GRIK1: variants seen among roughly 807,000 people sequenced by gnomAD.
GRIK1 encodes the protein glutamate receptor ionotropic, kainate 1.
A neutral mutation model predicts 105.7 loss-of-function variants in GRIK1; 69 were observed. That is an observed-to-expected ratio of 0.65 (90% CI 0.54 to 0.80). The LOEUF (loss-of-function observed/expected upper bound fraction) is 0.80, where lower values mean the gene tolerates loss of function less well. Among genes scored for constraint, GRIK1 ranks in the 30% least tolerant of loss-of-function variants. The pLI, the probability that GRIK1 is intolerant of heterozygous loss-of-function variation, is 0.00. For missense variants in GRIK1, 1,109 were observed against 1,167.3 expected, an observed-to-expected ratio of 0.95 and a Z score of 0.73; for synonymous variants, 438 against 431.3, an observed-to-expected ratio of 1.02 and a Z score of -0.19.
chr21:29,893,520 T>C (rs368004402), intron 1 of GRIK1, among the ~76,000 whole-genome samples: 5 of 152,338 alleles, frequency 3.3e-5, no homozygotes, highest in Middle Eastern at 3.4e-3. Context: ...ATGTGGGGTA[T>C]GTATAATCTA....
chr21:29,863,633 T>G (rs556632544), intron 1 of GRIK1, among the ~76,000 whole-genome samples: 1 of 152,280 alleles, frequency 6.6e-6, no homozygotes, highest in South Asian at 2.1e-4. Flanking sequence ...CGGACCTGCT[T>G]TTTCTTGTAC....
chr21:29,591,324 C>T, intron 9 of GRIK1, 99 bp from the exon 10 acceptor site: 1 of 772,876 alleles, frequency 1.3e-6, no homozygotes, highest in South Asian at 1.4e-5. Flanking sequence ...CAAAAGCTCA[C>T]AGTTTGGGAC....
intron 1 of GRIK1, among the ~76,000 whole-genome samples, chr21:29,908,074 G>A (rs150370998): frequency 0.013 from 2,035 of 151,762 alleles, 34 homozygotes; most frequent in African/African-American, 0.047. Context: ...CATTTATTGG[G>A]CACTTATTAT....
At chr21:29,895,032 T>A (rs1470566787) in intron 1 of GRIK1, among the ~76,000 whole-genome samples, 1 of 152,102 alleles carries the variant, frequency 6.6e-6, no homozygotes, top group Admixed American at 6.5e-5. Flanking sequence ...TCCTCCTTAA[T>A]CCATGAGAAT....
At chr21:29,696,075 T>A (rs1206362958) in intron 1 of GRIK1, among the ~76,000 whole-genome samples, 1 of 152,270 alleles carries the variant, frequency 6.6e-6, no homozygotes, top group Non-Finnish European at 1.5e-5. Flanking sequence ...ACATCTGTAA[T>A]GTTCCTGCTG....
At chr21:29,655,247 A>G (rs1601383767) in intron 4 of GRIK1, among the ~76,000 whole-genome samples, 1 of 152,166 alleles carries the variant, frequency 6.6e-6, no homozygotes, top group Non-Finnish European at 1.5e-5. Context: ...TGTCTCTACT[A>G]AAAATACAAA....
chr21:29,919,860 A>T (rs1310711913), intron 1 of GRIK1, among the ~76,000 whole-genome samples: 1 of 152,168 alleles, frequency 6.6e-6, no homozygotes, highest in Non-Finnish European at 1.5e-5. Context: ...AAAAATTGAT[A>T]TTAAACAGTG....
At chr21:29,886,817 C>T (rs2069648614) in intron 1 of GRIK1, among the ~76,000 whole-genome samples, 1 of 152,088 alleles carries the variant, frequency 6.6e-6, no homozygotes, top group African/African-American at 2.4e-5. Context: ...CTCATAGACT[C>T]AGAAACAAAG....
chr21:29,894,756 G>T (rs1386605972), intron 1 of GRIK1, among the ~76,000 whole-genome samples: 1 of 152,146 alleles, frequency 6.6e-6, no homozygotes, highest in Non-Finnish European at 1.5e-5. Flanking sequence ...TAATCGGCGG[G>T]ATGGCCTGAT....
At chr21:29,642,030 T>C (rs960572286) in intron 7 of GRIK1, among the ~76,000 whole-genome samples, 2 of 152,182 alleles carry the variant, frequency 1.3e-5, no homozygotes, top group African/African-American at 2.4e-5. Context: ...AGAGAAATAT[T>C]AGAATAGCAT....
chr21:29,886,968 T>G (rs890428204), intron 1 of GRIK1, among the ~76,000 whole-genome samples: 1 of 152,178 alleles, frequency 6.6e-6, no homozygotes, highest in Non-Finnish European at 1.5e-5. Context: ...TTATTAGATT[T>G]ATTTGGGGGG....
intron 1 of GRIK1, among the ~76,000 whole-genome samples, chr21:29,764,629 A>G (rs2065612177): frequency 6.6e-6 from 1 of 152,218 alleles, no homozygotes; most frequent in South Asian, 2.1e-4. Context: ...AGGCAAGGTC[A>G]GTAGTGAAGC....
rs190663395 is a variant in GRIK1 at position 29,545,599 on chromosome 21, G to A, written c.2608-7715C>T. 7.9e-5 allele frequency among the ~76,000 whole-genome samples: 12 copies of A among 152,180 alleles called. No individual in the cohort carries two copies. In the East Asian group the frequency reaches 1.2e-3, roughly 15 times the overall value. On this transcript the variant is annotated intron_variant, in intron 16 of 17. Coordinates refer to ENST00000327783, the MANE Select transcript of GRIK1 (RefSeq NM_001330994.2). ...GCACTACCTTTAAGCTAAACTGATCGTGATGTGTAGGGTGTTAGTTGTCCA... is the reference window on the plus strand; with the variant it reads ...GCACTACCTTTAAGCTAAACTGATCATGATGTGTAGGGTGTTAGTTGTCCA...
chr21:29,722,706 A>G (rs1242019811), intron 1 of GRIK1, among the ~76,000 whole-genome samples: 1 of 152,124 alleles, frequency 6.6e-6, no homozygotes, highest in African/African-American at 2.4e-5. Context: ...ATTATATACA[A>G]ATTATATGGA....
intron 1 of GRIK1, among the ~76,000 whole-genome samples, chr21:29,696,250 T>C (rs758850803): frequency 5.9e-5 from 9 of 152,170 alleles, no homozygotes; most frequent in Admixed American, 2.6e-4. Context: ...AAATCATAGT[T>C]GAAAATTGTA....
At chr21:29,649,593 G>A (rs1433379823) in intron 6 of GRIK1, among the ~76,000 whole-genome samples, 6 of 152,184 alleles carry the variant, frequency 3.9e-5, no homozygotes, top group Admixed American at 3.9e-4. Context: ...CGCTCGGCCT[G>A]ATTCCACATG....
intron 1 of GRIK1, among the ~76,000 whole-genome samples, chr21:29,824,918 T>A (rs2067409400): frequency 6.6e-6 from 1 of 151,842 alleles, no homozygotes. Flanking sequence ...ATTGCTCTAG[T>A]GAGGAGTGAT....
At chr21:29,582,117 A>C (rs574727812) in intron 12 of GRIK1, among the ~76,000 whole-genome samples, 1 of 152,198 alleles carries the variant, frequency 6.6e-6, no homozygotes, top group Non-Finnish European at 1.5e-5. Context: ...GTAGAGCTGA[A>C]TTTGGAGTGT....
At chr21:29,806,370 T>C (rs1029949590) in intron 1 of GRIK1, among the ~76,000 whole-genome samples, 2 of 151,980 alleles carry the variant, frequency 1.3e-5, no homozygotes, top group African/African-American at 4.8e-5. Context: ...TTTTTTTCTC[T>C]CAATACAAAA....
Sources: gnomAD v4.1 joint callset for allele counts (sites outside exome capture counted in the v4.1 genomes callset) on GRCh38, gnomAD v4.1.1 for gene constraint, MANE v1.5 for transcripts, NCBI Gene and HGNC (gene_info 2026-07-23, HGNC 2026-07-21) for gene names.